Variants in DPYD observed in about 807,000 individuals in gnomAD.
DPYD encodes dihydropyrimidine dehydrogenase.
A neutral mutation model predicts 116.2 loss-of-function variants in DPYD; 109 were observed. The ratio of observed to expected loss-of-function variants is 0.94; its 90% CI spans 0.80 to 1.10. DPYD has a LOEUF of 1.10. Ranked by LOEUF, DPYD falls within the 50% of genes least tolerant of loss-of-function variation. The probability of loss-of-function intolerance (pLI) is 0.00; values close to 1 mark genes in which losing one functional copy is unlikely to be tolerated. For synonymous variants in DPYD, 440 were observed against 432.0 expected, an observed-to-expected ratio of 1.02 and a Z score of -0.23; for missense variants, 1,302 against 1,254.5, an observed-to-expected ratio of 1.04 and a Z score of -0.57.
At chr1:97,398,034 T>C (rs1040875193) in intron 14 of DPYD, among the ~76,000 whole-genome samples, 1 of 152,038 alleles carries the variant, frequency 6.6e-6, no homozygotes. Context: ...TCCATGTTGG[T>C]GTGTTGCACC....
intron 13 of DPYD, among the ~76,000 whole-genome samples, chr1:97,493,237 A>T (rs1679067141): frequency 6.6e-6 from 1 of 152,188 alleles, no homozygotes; most frequent in East Asian, 1.9e-4. Context: ...TTTCAGTGCA[A>T]CCTATAATGT....
intron 19 of DPYD, among the ~76,000 whole-genome samples, chr1:97,218,443 C>T (rs890004232): frequency 1.3e-4 from 20 of 151,794 alleles, no homozygotes; most frequent in Non-Finnish European, 1.8e-4. Flanking sequence ...GCTACCCATC[C>T]GCCTTTATAC....
chr1:97,354,421 C>T (rs1670313147), intron 16 of DPYD, among the ~76,000 whole-genome samples: 1 of 151,330 alleles, frequency 6.6e-6, no homozygotes, highest in East Asian at 2.0e-4. Flanking sequence ...AAAAAATGCT[C>T]ATTCTTAAAC....
intron 16 of DPYD, among the ~76,000 whole-genome samples, chr1:97,370,364 C>T (rs776784775): frequency 6.6e-6 from 1 of 151,966 alleles, no homozygotes; most frequent in Non-Finnish European, 1.5e-5. Flanking sequence ...AGTTGAACAA[C>T]AAGAACACAT....
intron 14 of DPYD, among the ~76,000 whole-genome samples, chr1:97,441,097 G>A (rs1367945259): frequency 6.6e-6 from 1 of 151,842 alleles, no homozygotes; most frequent in Non-Finnish European, 1.5e-5. Context: ...TTTATTCTCT[G>A]GCTGCTTTTA....
intron 13 of DPYD, among the ~76,000 whole-genome samples, chr1:97,513,841 A>G (rs1464096322): frequency 1.3e-5 from 2 of 151,866 alleles, no homozygotes; most frequent in African/African-American, 2.4e-5. Context: ...TAAGGAAACA[A>G]AAAAAGTAGA....
intron 14 of DPYD, among the ~76,000 whole-genome samples, chr1:97,400,222 A>G (rs1299056976): frequency 1.3e-5 from 2 of 151,988 alleles, no homozygotes; most frequent in African/African-American, 4.8e-5. Context: ...GGTTTTTGTC[A>G]TTGGTTCTGT....
intron 2 of DPYD, among the ~76,000 whole-genome samples, chr1:97,871,525 T>C (rs1242010095): frequency 1.3e-5 from 2 of 150,800 alleles, no homozygotes; most frequent in East Asian, 2.0e-4. Context: ...CTCTATCCTA[T>C]GATAAAAATT....
At chr1:97,117,715 A>G (rs921369143) in intron 20 of DPYD, among the ~76,000 whole-genome samples, 2 of 152,190 alleles carry the variant, frequency 1.3e-5, no homozygotes, top group African/African-American at 4.8e-5. Context: ...ATTTAGTATT[A>G]AAGTTGGTCA....
At chr1:97,737,772 T>C (rs949002903) in intron 4 of DPYD, among the ~76,000 whole-genome samples, 3 of 151,930 alleles carry the variant, frequency 2.0e-5, no homozygotes, top group Admixed American at 6.6e-5. Flanking sequence ...CATATATATA[T>C]ACACACACAC....
chr1:97,683,496 T>C (rs12022341), intron 7 of DPYD, among the ~76,000 whole-genome samples: 1 of 151,820 alleles, frequency 6.6e-6, no homozygotes, highest in Non-Finnish European at 1.5e-5. Flanking sequence ...TCAGAATACT[T>C]TGGGAAATGA....
chr1:97,502,936 G>A (rs1413596643), intron 13 of DPYD, among the ~76,000 whole-genome samples: 1 of 151,982 alleles, frequency 6.6e-6, no homozygotes, highest in Non-Finnish European at 1.5e-5. Context: ...ACATGTGGAA[G>A]TTTAGATAAG....
chr1:97,824,879 A>G (rs1463352975), intron 3 of DPYD, among the ~76,000 whole-genome samples: 1 of 152,088 alleles, frequency 6.6e-6, no homozygotes, highest in Non-Finnish European at 1.5e-5. Context: ...TCCCTTGGCT[A>G]CAACAAGTAT....
intron 19 of DPYD, among the ~76,000 whole-genome samples, chr1:97,207,163 T>C (rs1052930332): frequency 7.2e-5 from 11 of 152,124 alleles, no homozygotes; most frequent in African/African-American, 2.7e-4. Flanking sequence ...TGTAATAGTA[T>C]CAGTCAGTGA....
chr1:97,647,304 G>C (rs1658321258), intron 8 of DPYD, among the ~76,000 whole-genome samples: 2 of 151,884 alleles, frequency 1.3e-5, no homozygotes, highest in African/African-American at 2.4e-5. Flanking sequence ...TTTCTTATAA[G>C]TAATCTTATA....
intron 20 of DPYD, among the ~76,000 whole-genome samples, chr1:97,172,837 G>C (rs1322691645): frequency 2.0e-5 from 3 of 152,128 alleles, no homozygotes; most frequent in African/African-American, 7.2e-5. Flanking sequence ...CATTTAGCCA[G>C]AGCCAGCCAT....
In DPYD at chr1:97,268,984, C is replaced by T. The variant is rs141049703; in HGVS notation, c.2300-33990G>A. The stretch of plus-strand genomic sequence containing the variant: ...TCTGTTTCCCTTTTAATTATAAGTT[C>T]CATCTTTAAAACATTTCTCTCTCTC... On this transcript the variant is annotated intron_variant, in intron 18 of 22. Transcript: ENST00000370192. Among the ~76,000 whole-genome samples the T allele has an allele frequency of 8.2e-3, 1,254 of 152,158 alleles. 19 individuals are homozygous for T. The highest frequency in any genetic ancestry group is 0.029 in the African/African-American group (1,185 of 41,490).
chr1:97,893,265 A>C (rs1056376259), intron 1 of DPYD, among the ~76,000 whole-genome samples: 1 of 151,374 alleles, frequency 6.6e-6, no homozygotes, highest in African/African-American at 2.4e-5. Context: ...TGTATCTCAG[A>C]GGAAACCAAA....
At chr1:97,282,330 T>A (rs1271685759) in intron 18 of DPYD, among the ~76,000 whole-genome samples, 1 of 151,894 alleles carries the variant, frequency 6.6e-6, no homozygotes, top group Non-Finnish European at 1.5e-5. Flanking sequence ...CAATATGCAG[T>A]CAAATATTTG....
Sources: allele counts gnomAD v4.1 joint callset (sites outside exome capture counted in the v4.1 genomes callset), GRCh38; gene constraint gnomAD v4.1.1; transcripts MANE v1.5; gene names NCBI Gene and HGNC (gene_info 2026-07-23, HGNC 2026-07-21).